Variants in KCNQ1OT1 observed in about 807,000 individuals in gnomAD.
KCNQ1OT1 encodes KCNQ1 antisense RNA 2 (non-protein coding).
At chr11:2,615,101 G>A (rs964245380) in exon 1 of KCNQ1OT1, 6 of 398,118 alleles carry the variant, frequency 1.5e-5, no homozygotes, top group Non-Finnish European at 2.2e-5. Context: ...TAGTGCAGAA[G>A]TCTTTCACCT....
At position 2,617,902 on chromosome 11, in the gene KCNQ1OT1, T is replaced by A. The variant is rs1849094124; in HGVS notation, n.82093A>T. The A allele has an allele frequency of 2.5e-6, 1 of 398,596 alleles. No homozygotes were observed. The highest frequency in any genetic ancestry group is 4.4e-6 in the Non-Finnish European group (1 of 226,044). The allele number at this position is 398,596 out of a possible 1,614,324, so 24.7% of individuals were successfully genotyped here. A position where few individuals can be genotyped will look rare whatever the true frequency, so the allele number is the denominator to read the frequency against. On this transcript the variant is annotated non_coding_transcript_exon_variant, in exon 1 of 1. Coordinates refer to ENST00000597346, the Ensembl canonical transcript of KCNQ1OT1. The surrounding 1 kb of genome is among the most constrained non-coding windows in gnomAD (Gnocchi z 4.6). ...GGTTATCTATTTTCTTGTTATTGAG[T>A]TGTATGCATTCCTTATAAATTTTGG... is the stretch of plus-strand genomic sequence containing the variant.
exon 1 of KCNQ1OT1, chr11:2,629,888 T>G (rs1268668708): frequency 2.5e-6 from 1 of 398,408 alleles, no homozygotes. Context: ...TTTTACTTCC[T>G]TCTTTCTGAT....
In KCNQ1OT1 at chr11:2,652,302, A is replaced by G; in HGVS notation, n.47693T>C. Reference sequence around the variant, plus strand: ...GGTTTCCAAGGCTTCTCCCTCACTAATTGCTTTGATTATTGTGTGAAGTTA... The same window carrying G: ...GGTTTCCAAGGCTTCTCCCTCACTAGTTGCTTTGATTATTGTGTGAAGTTA... On this transcript the variant is annotated non_coding_transcript_exon_variant, in exon 1 of 1. Coordinates refer to ENST00000597346, the Ensembl canonical transcript of KCNQ1OT1. The surrounding 1 kb of genome is among the most constrained non-coding windows in gnomAD (Gnocchi z 5.9). 2.5e-6 allele frequency: 1 copy of G among 398,610 alleles called. No homozygotes were observed. Among genetic ancestry groups the G allele is most frequent in the Non-Finnish European group, 4.4e-6 (1 of 226,060 alleles). 24.7% of individuals were successfully genotyped at this position (398,610 alleles called of 1,614,324 possible).
At chr11:2,625,228 C>T in exon 1 of KCNQ1OT1, 1 of 398,620 alleles carries the variant, frequency 2.5e-6, no homozygotes, top group Non-Finnish European at 4.4e-6. Flanking sequence ...CTCCATGTCC[C>T]TTCCAGCAGT....
chr11:2,698,394 C>T lies in KCNQ1OT1; in HGVS notation n.1601G>A. ...CCTGCTCAGGGACCACAGTGGGGTA[C>T]TGGGATCTGAACATAGTGGTGGCCC... On this transcript the variant is annotated non_coding_transcript_exon_variant, in exon 1 of 1. Coordinates refer to ENST00000597346, the Ensembl canonical transcript of KCNQ1OT1. The surrounding 1 kb of genome is among the most constrained non-coding windows in gnomAD (Gnocchi z 5.1). 1 of 398,436 alleles carries T rather than the reference C, an allele frequency of 2.5e-6. No homozygotes were observed. Among genetic ancestry groups the T allele is most frequent in the East Asian group, 3.6e-5 (1 of 28,052 alleles). 24.7% of individuals were successfully genotyped at this position (398,436 alleles called of 1,614,324 possible).
At position 2,698,806 on chromosome 11, in the gene KCNQ1OT1, CCT is replaced by C. The variant is rs563497035; in HGVS notation, n.1187_1188del. 7.5e-4 allele frequency: 300 copies of C among 398,676 alleles called. No homozygotes were observed. The highest frequency in any genetic ancestry group is 1.2e-3 in the Non-Finnish European group (274 of 226,182). The allele number at this position is 398,676 out of a possible 1,614,324, so 24.7% of individuals were successfully genotyped here. A position where few individuals can be genotyped will look rare whatever the true frequency, so the allele number is the denominator to read the frequency against. ...CAGGTCCCCAACTCAGACTCCCGAT[CCT>C]CTGTCCCTAATGAGGCCCTACCTAA... On this transcript the variant is annotated non_coding_transcript_exon_variant, in exon 1 of 1. Transcript: ENST00000597346. This position sits in a 1 kb window ranked among gnomAD's most constrained non-coding sequence, Gnocchi z 5.1.
Position 2,668,177 on chromosome 11 carries a change from G to A in KCNQ1OT1, n.31818C>T, listed in dbSNP as rs1385273660. The A allele has an allele frequency of 5.0e-6, 2 of 398,496 alleles. No individual in the cohort carries two copies. The highest frequency in any genetic ancestry group is 8.8e-6 in the Non-Finnish European group (2 of 226,090). 24.7% of individuals were successfully genotyped at this position (398,496 alleles called of 1,614,324 possible). ...GCTCCCTCATGCTCCTTGCTGACTGGTGCTCCATTGTGTGCATGGCCTACA... is the reference window on the plus strand; with the variant it reads ...GCTCCCTCATGCTCCTTGCTGACTGATGCTCCATTGTGTGCATGGCCTACA... On this transcript the variant is annotated non_coding_transcript_exon_variant, in exon 1 of 1. Transcript: ENST00000597346. The surrounding 1 kb of genome is among the most constrained non-coding windows in gnomAD (Gnocchi z 4.3).
chr11:2,627,328 C>A lies in KCNQ1OT1; in HGVS notation n.72667G>T. The A allele has an allele frequency of 5.0e-6, 2 of 398,468 alleles. No homozygotes were observed. Among genetic ancestry groups the A allele is most frequent in the Non-Finnish European group, 8.8e-6 (2 of 226,016 alleles). 24.7% of individuals were successfully genotyped at this position (398,468 alleles called of 1,614,324 possible). A position where few individuals can be genotyped will look rare whatever the true frequency, so the allele number is the denominator to read the frequency against. ...TGTGTGCGTGTGTGTGGTCAGAATA[C>A]CTAAGCTATACTCTCTTAGCAAATT... is the stretch of plus-strand genomic sequence containing the variant. On this transcript the variant is annotated non_coding_transcript_exon_variant, in exon 1 of 1. Coordinates refer to ENST00000597346, the Ensembl canonical transcript of KCNQ1OT1. This position sits in a 1 kb window ranked among gnomAD's most constrained non-coding sequence, Gnocchi z 4.9.
In KCNQ1OT1 at chr11:2,642,023, C is replaced by G. The variant is rs992474821; in HGVS notation, n.57972G>C. ...TTCCAATACCATGCTGCTTTTAATG[C>G]TATAGCCTTATATTTTTAAATCAGG... On this transcript the variant is annotated non_coding_transcript_exon_variant, in exon 1 of 1. Coordinates refer to ENST00000597346, the Ensembl canonical transcript of KCNQ1OT1. This position sits in a 1 kb window ranked among gnomAD's most constrained non-coding sequence, Gnocchi z 4.3. 3 of 398,166 alleles carry G rather than the reference C, an allele frequency of 7.5e-6. No homozygotes were observed. Among genetic ancestry groups the G allele is most frequent in the Non-Finnish European group, 1.3e-5 (3 of 225,894 alleles). 24.7% of individuals were successfully genotyped at this position (398,166 alleles called of 1,614,324 possible).
Position 2,617,681 on chromosome 11 carries a change from A to G in KCNQ1OT1, n.82314T>C, listed in dbSNP as rs1008183091. 23 of 398,446 alleles carry G rather than the reference A, an allele frequency of 5.8e-5. No individual in the cohort carries two copies. The highest frequency in any genetic ancestry group is 4.1e-4 in the African/African-American group (20 of 48,712). The allele number at this position is 398,446 out of a possible 1,614,324, so 24.7% of individuals were successfully genotyped here. On this transcript the variant is annotated non_coding_transcript_exon_variant, in exon 1 of 1. Coordinates refer to ENST00000597346, the Ensembl canonical transcript of KCNQ1OT1. The surrounding 1 kb of genome is among the most constrained non-coding windows in gnomAD (Gnocchi z 4.6). The stretch of plus-strand genomic sequence containing the variant: ...TGCACCAATCTACAGTCCCACCAAC[A>G]CTGTACAAGAGTTCCCTAACCCTAG...
chr11:2,651,893 C>A lies in KCNQ1OT1; in HGVS notation n.48102G>T, dbSNP rs771975282. 1 of 398,704 alleles carries A rather than the reference C, an allele frequency of 2.5e-6. No individual in the cohort carries two copies. 24.7% of individuals were successfully genotyped at this position (398,704 alleles called of 1,614,324 possible). ...GTGTTCAGGCTGAGGGGGTCATAGCCGAGGGTCCCTCTGGGGCCGCTTGCT... is the reference window on the plus strand; with the variant it reads ...GTGTTCAGGCTGAGGGGGTCATAGCAGAGGGTCCCTCTGGGGCCGCTTGCT... On this transcript the variant is annotated non_coding_transcript_exon_variant, in exon 1 of 1. Coordinates refer to ENST00000597346, the Ensembl canonical transcript of KCNQ1OT1. The surrounding 1 kb of genome is among the most constrained non-coding windows in gnomAD (Gnocchi z 6.1).
exon 1 of KCNQ1OT1, chr11:2,634,313 TCCCCCCTCC>T (rs1849416206): frequency 1.7e-4 from 1 of 5,880 alleles, no homozygotes; most frequent in Admixed American, 1.5e-3. Context: ...ATGCTTTCCC[TCCCCCCTCC>T]CCCCTCCCCC....
exon 1 of KCNQ1OT1, chr11:2,644,337 T>C (rs1292649369): frequency 4.3e-5 from 17 of 398,318 alleles, no homozygotes; most frequent in Non-Finnish European, 6.6e-5. Flanking sequence ...TGTGAAATTC[T>C]TTCTTCTGCT....
At position 2,669,694 on chromosome 11, in the gene KCNQ1OT1, T is replaced by G. The variant is rs1288513857; in HGVS notation, n.30301A>C. On this transcript the variant is annotated non_coding_transcript_exon_variant, in exon 1 of 1. Transcript: ENST00000597346. The surrounding 1 kb of genome is among the most constrained non-coding windows in gnomAD (Gnocchi z 5.6). ...AGTGTAAGGCCTTGAGGAGATGGTG[T>G]TAGGCATCCAGCCACATACCTGACT... The G allele has an allele frequency of 7.5e-6, 3 of 398,642 alleles. No homozygotes were observed. Among genetic ancestry groups the G allele is most frequent in the Non-Finnish European group, 8.8e-6 (2 of 226,080 alleles). 24.7% of individuals were successfully genotyped at this position (398,642 alleles called of 1,614,324 possible). A position where few individuals can be genotyped will look rare whatever the true frequency, so the allele number is the denominator to read the frequency against.
chr11:2,692,089 C>T (rs1487786619), exon 1 of KCNQ1OT1: 4 of 398,614 alleles, frequency 1.0e-5, no homozygotes, highest in Non-Finnish European at 1.8e-5. Context: ...CACCTGCCCC[C>T]ACCTCCTCTC....
chr11:2,678,741 G>A lies in KCNQ1OT1; in HGVS notation n.21254C>T, dbSNP rs2133877598. On this transcript the variant is annotated non_coding_transcript_exon_variant, in exon 1 of 1. Coordinates refer to ENST00000597346, the Ensembl canonical transcript of KCNQ1OT1. The surrounding 1 kb of genome is among the most constrained non-coding windows in gnomAD (Gnocchi z 4.9). ...ACAGGATTAGCTCTTGAGTTAGACA[G>A]GAAGCTGGGGTGTTTGGGACTGAGG... 1 of 398,580 alleles carries A rather than the reference G, an allele frequency of 2.5e-6. No individual in the cohort carries two copies. Among genetic ancestry groups the A allele is most frequent in the South Asian group, 1.3e-4 (1 of 7,852 alleles). The allele number at this position is 398,580 out of a possible 1,614,324, so 24.7% of individuals were successfully genotyped here.
exon 1 of KCNQ1OT1, chr11:2,633,650 C>A (rs1849400534): frequency 2.5e-6 from 1 of 398,340 alleles, no homozygotes; most frequent in African/African-American, 2.1e-5. Flanking sequence ...GTTCTTGGCA[C>A]CTTTGTCAAA....
chr11:2,681,041 G>C (rs1850388486), exon 1 of KCNQ1OT1: 1 of 398,436 alleles, frequency 2.5e-6, no homozygotes, highest in Non-Finnish European at 4.4e-6. Flanking sequence ...GTGGACATTA[G>C]TGAAATGTGG....
rs1849210496 is a variant in KCNQ1OT1 at position 2,623,579 on chromosome 11, A to G, written n.76416T>C. The stretch of plus-strand genomic sequence containing the variant: ...AGTAATATGTTTTTTAATTACCTCC[A>G]TATCTTTTCATGGCTTGATAGCTCA... On this transcript the variant is annotated non_coding_transcript_exon_variant, in exon 1 of 1. Coordinates refer to ENST00000597346, the Ensembl canonical transcript of KCNQ1OT1. The surrounding 1 kb of genome is among the most constrained non-coding windows in gnomAD (Gnocchi z 5.2). The G allele has an allele frequency of 7.5e-6, 3 of 398,382 alleles. No homozygotes were observed. The highest frequency in any genetic ancestry group is 2.1e-5 in the African/African-American group (1 of 48,604). The allele number at this position is 398,382 out of a possible 1,614,324, so 24.7% of individuals were successfully genotyped here.
Sources: gnomAD v4.1 joint callset for allele counts on GRCh38, gnomAD v4.1.1 for gene constraint, Gnocchi (gnomAD v3.1) non-coding constraint, MANE v1.5 for transcripts, NCBI Gene and HGNC (gene_info 2026-07-23, HGNC 2026-07-21) for gene names.